DONSON: variants seen among roughly 807,000 people sequenced by gnomAD.
The protein encoded by DONSON is DNA replication fork stabilization factor DONSON.
A neutral mutation model predicts 62.1 loss-of-function variants in DONSON; 43 were observed. The observed-to-expected ratio is 0.69, with a 90% CI of 0.54 to 0.89. The LOEUF (loss-of-function observed/expected upper bound fraction) is 0.89, where lower values mean the gene tolerates loss of function less well. DONSON is among the 40% of genes least tolerant of loss of function. The pLI, the probability that DONSON is intolerant of heterozygous loss-of-function variation, is 0.00. For missense variants in DONSON, 696 were observed against 697.5 expected (o/e 1.00, Z 0.03); for synonymous variants, 266 against 264.6 (o/e 1.01, Z -0.05).
rs2086592312 is a variant in DONSON at position 33,587,558 on chromosome 21, CTT to C, written c.364_365del (p.Lys122ValfsTer3). On this transcript the variant is annotated frameshift_variant, in exon 2 of 10. Coordinates refer to ENST00000303071, the MANE Select transcript of DONSON (RefSeq NM_017613.4). LOFTEE classifies it high-confidence loss of function. ...CAGTAACAGTTGTTCTTTCAGGAAACTTCTCTTCCCATAGCAAATCATTTTCT... is the reference window on the plus strand; with the variant it reads ...CAGTAACAGTTGTTCTTTCAGGAAACCTCTTCCCATAGCAAATCATTTTCT... ...NQENDLLWEEKFPERTTVTEL... is the reference protein window; with the variant it reads ...NQENDLLWEEXFPERTTVTEL... The C allele has an allele frequency of 6.3e-7, 1 of 1,599,546 alleles. No individual in the cohort carries two copies. Among genetic ancestry groups the C allele is most frequent in the Non-Finnish European group, 8.5e-7 (1 of 1,175,374 alleles).
At position 33,586,049 on chromosome 21, in the gene DONSON, C is replaced by T. The variant is rs1476305042; in HGVS notation, c.535G>A (p.Ala179Thr). 1.2e-6 allele frequency: 2 copies of T among 1,614,182 alleles called. No homozygotes were observed. Among genetic ancestry groups the T allele is most frequent in the South Asian group, 1.1e-5 (1 of 91,092 alleles). ...ACAAGACCTTGAGCTTCTTCCTGTG[C>T]TTTCAAATGATCTGCCCAGGTAAAG... ...QPFTWADHLK[A>T]QEEAQGLVQH... Residue 179 changes from alanine (A) to threonine (T), a missense_variant, in exon 3 of 10, where the codon GCA (alanine) becomes ACA (threonine). By Grantham distance (58) the Ala-to-Thr change is moderately conservative. Coordinates refer to ENST00000303071, the MANE Select transcript of DONSON (RefSeq NM_017613.4).
At chr21:33,580,278 G>A (rs1442460304) in intron 8 of DONSON, among the ~76,000 whole-genome samples, 1 of 147,704 alleles carries the variant, frequency 6.8e-6, no homozygotes, top group Non-Finnish European at 1.5e-5. Context: ...ATGCAGGGCG[G>A]CCAGGTGCAG....
At chr21:33,582,429 G>T (rs1159716302) in intron 5 of DONSON, among the ~76,000 whole-genome samples, 183 bp from the exon 6 acceptor site, 1 of 152,082 alleles carries the variant, frequency 6.6e-6, no homozygotes, top group East Asian at 1.9e-4. Flanking sequence ...CTTGAAAGAG[G>T]TTCGGGAAAC....
chr21:33,588,244 T>C (rs2086603816), intron 1 of DONSON, 77 bp downstream of exon 1: 3 of 1,126,552 alleles, frequency 2.7e-6, no homozygotes, highest in African/African-American at 1.6e-5. Context: ...ACGCGAGGAC[T>C]TTCCATCCCC....
At chr21:33,587,722 G>A in intron 1 of DONSON, 120 bp from the exon 2 acceptor site, 1 of 618,176 alleles carries the variant, frequency 1.6e-6, no homozygotes, top group South Asian at 2.3e-5. Context: ...TAAATTCAGA[G>A]GCACCCCATC....
chr21:33,579,136 CAA>C (rs879477732), intron 9 of DONSON, among the ~76,000 whole-genome samples: 4 of 132,652 alleles, frequency 3.0e-5, no homozygotes, highest in Admixed American at 7.7e-5. Context: ...GACTCCATCT[CAA>C]AAAAAAAAAA....
Position 33,578,383 on chromosome 21 carries a change from C to T in DONSON, c.1625G>A (p.Ser542Asn). ...TGATTTCCCAAGTAACGGTATTTGACTAAGTTGCTCCAGAGTGTTAGGGTG... is the reference window on the plus strand; with the variant it reads ...TGATTTCCCAAGTAACGGTATTTGATTAAGTTGCTCCAGAGTGTTAGGGTG... ...GLHPNTLEQL[S>N]QIPLLGKSSL... The change falls in exon 10 of 10, where the codon AGT becomes AAT. Residue 542 changes from serine to asparagine, a missense_variant. By Grantham distance (46) the Ser-to-Asn change is conservative. Transcript: ENST00000303071. 1 of 1,614,038 alleles carries T rather than the reference C, an allele frequency of 6.2e-7. No homozygotes were observed. Among genetic ancestry groups the T allele is most frequent in the South Asian group, 1.1e-5 (1 of 91,068 alleles).
chr21:33,584,262 G>A (rs939179350), intron 4 of DONSON, among the ~76,000 whole-genome samples: 3 of 151,336 alleles, frequency 2.0e-5, no homozygotes, highest in African/African-American at 4.9e-5. Flanking sequence ...TAGCCAGGAT[G>A]GTCTCAATCT....
chr21:33,583,949 A>G (rs1265229541), intron 4 of DONSON, among the ~76,000 whole-genome samples: 2 of 149,100 alleles, frequency 1.3e-5, no homozygotes, highest in African/African-American at 2.5e-5. Context: ...ACTTTCTCTG[A>G]GCTGCTGCTA....
At chr21:33,583,149 C>A (rs1450352198) in intron 5 of DONSON, among the ~76,000 whole-genome samples, 2 of 138,590 alleles carry the variant, frequency 1.4e-5, no homozygotes. Flanking sequence ...TGCAGTGAGC[C>A]GAGATTGCAC....
In DONSON at chr21:33,587,576, A is replaced by G. The variant is rs572028644; in HGVS notation, c.348T>C (p.Asp116=). 1.2e-5 allele frequency: 19 copies of G among 1,596,848 alleles called. No homozygotes were observed. In the East Asian group the frequency reaches 3.6e-4, roughly 30 times the overall value. The part of the protein sequence containing the change: ...VPFLDSNQEN[D]LLWEEKFPER... ...CAGGAAACTTCTCTTCCCATAGCAA[A>G]TCATTTTCTTGATTAGAATCTAAAA... Residue 116 remains aspartate (D), a synonymous_variant, in exon 2 of 10, where the codon GAT becomes GAC. Coordinates refer to ENST00000303071, the MANE Select transcript of DONSON (RefSeq NM_017613.4).
Position 33,588,574 on chromosome 21 carries a change from C to A in DONSON, c.68G>T (p.Arg23Leu). The A allele has an allele frequency of 8.0e-7, 1 of 1,254,446 alleles. No homozygotes were observed. Among genetic ancestry groups the A allele is most frequent in the Non-Finnish European group, 1.0e-6 (1 of 998,722 alleles). 77.7% of individuals were successfully genotyped at this position (1,254,446 alleles called of 1,614,324 possible). Residue 23 changes from arginine to leucine, a missense_variant, in exon 1 of 10, where the codon CGG becomes CTG. Physicochemically the swap from Arg to Leu is moderately radical, Grantham distance 102 (BLOSUM62 -2). Transcript: ENST00000303071. The stretch of plus-strand genomic sequence containing the variant: ...AGCTCCACGGCTCCGGGCCCTTTTC[C>A]GTCGGAGCCGCACTACCTCGGGCGG... ...RKPPEVVRLR[R>L]KRARSRGAAA...
Position 33,587,709 on chromosome 21 carries a change from A to T in DONSON, c.322-107T>A. 4.4e-6 allele frequency: 3 copies of T among 688,686 alleles called. No individual in the cohort carries two copies. In the East Asian group the frequency reaches 8.7e-5, roughly 20 times the overall value. The allele number at this position is 688,686 out of a possible 1,614,324, so 42.7% of individuals were successfully genotyped here. A position where few individuals can be genotyped will look rare whatever the true frequency, so the allele number is the denominator to read the frequency against. The stretch of plus-strand genomic sequence containing the variant: ...CATGTTTCTCAATAAACGCAAGTAC[A>T]CCTAAATTCAGAGGCACCCCATCCA... On this transcript the variant is annotated intron_variant, in intron 1 of 9. Coordinates refer to ENST00000303071, the MANE Select transcript of DONSON (RefSeq NM_017613.4).
In DONSON at chr21:33,584,047, C is replaced by CT. The variant is rs1489118718; in HGVS notation, c.786-382dup. Among the ~76,000 whole-genome samples, 723 of 82,672 alleles carry CT rather than the reference C, an allele frequency of 8.7e-3. 6 individuals are homozygous for CT. The highest frequency in any genetic ancestry group is 0.02 in the African/African-American group (421 of 21,444). 54.2% of individuals were successfully genotyped at this position (82,672 alleles called of 152,430 possible). On this transcript the variant is annotated intron_variant, in intron 4 of 9. Transcript: ENST00000303071. ...ATATATATATATATATATATATATA[C>CT]TTTTTTTTTTTTTTTGAGACGGAGT... is the stretch of plus-strand genomic sequence containing the variant.
rs747151360 is a variant in DONSON, at chr21:33,583,682, A to G, written c.786-16T>C. On this transcript the variant is annotated splice_polypyrimidine_tract_variant and intron_variant, in intron 4 of 9. Coordinates refer to ENST00000303071, the MANE Select transcript of DONSON (RefSeq NM_017613.4). ...GCTCACAGACCTATGAAGTAAAAAA[A>G]TTTTCTTAAGGTATTATTAAACATT... is the stretch of plus-strand genomic sequence containing the variant. The G allele has an allele frequency of 5.8e-6, 9 of 1,561,364 alleles. No homozygotes were observed. Among genetic ancestry groups the G allele is most frequent in the Admixed American group, 1.9e-5 (1 of 51,386 alleles).
Position 33,588,631 on chromosome 21 carries a change from G to T in DONSON, c.11C>A (p.Ser4Ter). The T allele has an allele frequency of 8.1e-7, 1 of 1,240,076 alleles. No individual in the cohort carries two copies. The highest frequency in any genetic ancestry group is 3.4e-5 in the South Asian group (1 of 29,540). The allele number at this position is 1,240,076 out of a possible 1,614,324, so 76.8% of individuals were successfully genotyped here. The change falls in exon 1 of 10, where the codon TCG becomes TAG. Residue 4 changes from serine to a stop codon, truncating the protein, a stop_gained. Transcript: ENST00000303071. LOFTEE classifies it high-confidence loss of function. ...GAAGCCCGGTGAGTAGCCGGGCACCGAAAGGGCCATGACGCGCGGCGGCTG... is the reference window on the plus strand; with the variant it reads ...GAAGCCCGGTGAGTAGCCGGGCACCTAAAGGGCCATGACGCGCGGCGGCTG... MAL[S>*]VPGYSPGFRK...
rs773076277 is a variant in DONSON, at chr21:33,587,512, A to G, written c.402+10T>C. ...AAATACACATTCTAATGATATTTAA[A>G]AAGTATTACCTGAGGTAATTCAGTA... On this transcript the variant is annotated intron_variant, in intron 2 of 9. Coordinates refer to ENST00000303071, the MANE Select transcript of DONSON (RefSeq NM_017613.4). The G allele has an allele frequency of 3.2e-6, 5 of 1,568,768 alleles. No homozygotes were observed. The highest frequency in any genetic ancestry group is 4.3e-6 in the Non-Finnish European group (5 of 1,164,492).
At position 33,588,635 on chromosome 21, in the gene DONSON, G is replaced by A. The variant is rs968089348; in HGVS notation, c.7C>T (p.Leu3Phe). MA[L>F]SVPGYSPGFR... ...CCCGGTGAGTAGCCGGGCACCGAAA[G>A]GGCCATGACGCGCGGCGGCTGAGGG... Residue 3 changes from leucine to phenylalanine, a missense_variant, in exon 1 of 10, where the codon CTT becomes TTT. Physicochemically the swap from Leu to Phe is conservative, Grantham distance 22. Transcript: ENST00000303071. 8.9e-6 allele frequency: 11 copies of A among 1,234,418 alleles called. No homozygotes were observed. The highest frequency in any genetic ancestry group is 4.7e-5 in the African/African-American group (3 of 64,050). 76.5% of individuals were successfully genotyped at this position (1,234,418 alleles called of 1,614,324 possible).
chr21:33,582,112 A>G, intron 6 of DONSON, 53 bp downstream of exon 6: 1 of 1,611,694 alleles, frequency 6.2e-7, no homozygotes, highest in Non-Finnish European at 8.5e-7. Flanking sequence ...GTGCAAATCT[A>G]TTTCATGAGT....
Sources: gnomAD v4.1 joint callset for allele counts (sites outside exome capture counted in the v4.1 genomes callset) on GRCh38, gnomAD v4.1.1 for gene constraint, MANE v1.5 for transcripts, NCBI Gene and HGNC (gene_info 2026-07-23, HGNC 2026-07-21) for gene names.